Variants in ST6GALNAC3 observed in about 807,000 individuals in gnomAD.
ST6GALNAC3 encodes alpha-N-acetylgalactosaminide alpha-2,6-sialyltransferase 3.
In ST6GALNAC3, 25 loss-of-function variants were observed where a neutral mutation model predicts 32.7. The ratio of observed to expected loss-of-function variants is 0.76; its 90% CI spans 0.56 to 1.07. The LOEUF (loss-of-function observed/expected upper bound fraction) is 1.07, where lower values mean the gene tolerates loss of function less well. Ranked by LOEUF, ST6GALNAC3 falls within the 50% of genes least tolerant of loss-of-function variation. The pLI, the probability that ST6GALNAC3 is intolerant of heterozygous loss-of-function variation, is 0.00. For missense variants in ST6GALNAC3, 355 were observed against 382.4 expected (o/e 0.93, Z 0.60); for synonymous variants, 129 against 133.1 (o/e 0.97, Z 0.21).
chr1:76,339,459 AC>A (rs757937905), intron 2 of ST6GALNAC3, among the ~76,000 whole-genome samples: 4 of 152,182 alleles, frequency 2.6e-5, no homozygotes, highest in Non-Finnish European at 4.4e-5. Flanking sequence ...TCCTGCTGAT[AC>A]CTTGATTTTA....
chr1:76,629,636 A>G lies in ST6GALNAC3; in HGVS notation c.*830A>G. The G allele has an allele frequency of 8.1e-6, 8 of 985,020 alleles. No homozygotes were observed. Among genetic ancestry groups the G allele is most frequent in the Non-Finnish European group, 9.6e-6 (8 of 829,254 alleles). 61.0% of individuals were successfully genotyped at this position (985,020 alleles called of 1,614,324 possible). ...AGATACCAACTTCAACACTGTAATA[A>G]CATATACTGTGAAAACATTCCTAAA... On this transcript the variant is annotated 3_prime_UTR_variant, in exon 5 of 5. Transcript: ENST00000328299.
At chr1:76,258,433 G>A (rs1361072006) in intron 1 of ST6GALNAC3, among the ~76,000 whole-genome samples, 1 of 152,120 alleles carries the variant, frequency 6.6e-6, no homozygotes, top group East Asian at 1.9e-4. Context: ...AAAGAAATGG[G>A]CACCTTTGGC....
chr1:76,286,463 A>G (rs1659785322), intron 1 of ST6GALNAC3, among the ~76,000 whole-genome samples: 1 of 152,242 alleles, frequency 6.6e-6, no homozygotes. Context: ...CATTCTAAAC[A>G]GCAAACTACA....
At chr1:76,190,272 T>C (rs995423359) in intron 1 of ST6GALNAC3, among the ~76,000 whole-genome samples, 1 of 152,052 alleles carries the variant, frequency 6.6e-6, no homozygotes, top group Non-Finnish European at 1.5e-5. Context: ...GGCTCAGAGA[T>C]AGGAAGAAAG....
In ST6GALNAC3 at chr1:76,285,603, T is replaced by A. The variant is rs1040700197; in HGVS notation, c.19-28202T>A. On this transcript the variant is annotated intron_variant, in intron 1 of 4. Transcript: ENST00000328299. ...TATATAAACTTGCCTTATGCCAATG[T>A]AGTCCTAAAATATGTTTTCATATTT... is the stretch of plus-strand genomic sequence containing the variant. Among the ~76,000 whole-genome samples, 5 of 147,938 alleles carry A rather than the reference T, an allele frequency of 3.4e-5. No homozygotes were observed. In the East Asian group the frequency reaches 9.8e-4, roughly 29 times the overall value.
chr1:76,398,208 C>T (rs1056397320), intron 2 of ST6GALNAC3, among the ~76,000 whole-genome samples: 5 of 152,018 alleles, frequency 3.3e-5, no homozygotes, highest in South Asian at 2.1e-4. Flanking sequence ...CTGAATTAAC[C>T]AAAATGAGAC....
At chr1:76,459,137 T>A (rs925342458) in intron 3 of ST6GALNAC3, among the ~76,000 whole-genome samples, 5 of 152,300 alleles carry the variant, frequency 3.3e-5, no homozygotes, top group African/African-American at 1.2e-4. Flanking sequence ...ATAGAAATAA[T>A]CTCTAAGCCA....
At chr1:76,449,100 C>T (rs189436046) in intron 3 of ST6GALNAC3, among the ~76,000 whole-genome samples, 32 of 152,274 alleles carry the variant, frequency 2.1e-4, no homozygotes, top group African/African-American at 7.0e-4. Flanking sequence ...GGATTATAGG[C>T]GTGAGCCACC....
chr1:76,394,134 C>T (rs1325291), intron 2 of ST6GALNAC3, among the ~76,000 whole-genome samples: 43,970 of 151,956 alleles, frequency 0.29, 7,687 homozygotes, highest in East Asian at 0.6. Context: ...GTAATAAATG[C>T]GTTGCAGAAG....
chr1:76,293,269 C>T (rs2100823648), intron 1 of ST6GALNAC3, among the ~76,000 whole-genome samples: 1 of 152,238 alleles, frequency 6.6e-6, no homozygotes, highest in African/African-American at 2.4e-5. Context: ...AATGCTGTTA[C>T]CATGGTGTTG....
chr1:76,235,185 A>G (rs1656580065), intron 1 of ST6GALNAC3, among the ~76,000 whole-genome samples: 1 of 152,182 alleles, frequency 6.6e-6, no homozygotes, highest in East Asian at 1.9e-4. Flanking sequence ...TTAGCACCCA[A>G]AAGCATACAT....
chr1:76,277,528 GTATATATA>G (rs370795804), intron 1 of ST6GALNAC3, among the ~76,000 whole-genome samples: 1,692 of 84,424 alleles, frequency 0.02, 10 homozygotes, highest in Non-Finnish European at 0.025. Flanking sequence ...ATGTTTATGT[GTATATATA>G]TATATATATA....
intron 1 of ST6GALNAC3, chr1:76,307,942 C>A (rs781289187): frequency 7.8e-6 from 4 of 510,470 alleles, no homozygotes; most frequent in African/African-American, 3.9e-5. Flanking sequence ...AAAGAGCAAG[C>A]AGCTAGAATG....
intron 1 of ST6GALNAC3, among the ~76,000 whole-genome samples, chr1:76,222,434 A>G (rs576530869): frequency 5.9e-5 from 9 of 152,330 alleles, no homozygotes; most frequent in African/African-American, 2.2e-4. Flanking sequence ...TCTGCACAGC[A>G]AAAGAAACTA....
chr1:76,602,440 A>C (rs898673972), intron 3 of ST6GALNAC3, among the ~76,000 whole-genome samples: 5 of 152,102 alleles, frequency 3.3e-5, no homozygotes, highest in Admixed American at 2.6e-4. Flanking sequence ...AGGAAGGGGA[A>C]TGGGGAATAG....
intron 3 of ST6GALNAC3, among the ~76,000 whole-genome samples, chr1:76,424,055 G>T (rs1042640750): frequency 6.6e-6 from 1 of 151,968 alleles, no homozygotes; most frequent in Non-Finnish European, 1.5e-5. Context: ...GCTATTCCAA[G>T]GTGACTTTTT....
intron 3 of ST6GALNAC3, among the ~76,000 whole-genome samples, chr1:76,568,348 C>A (rs59131533): frequency 0.03 from 4,524 of 152,246 alleles, 234 homozygotes; most frequent in African/African-American, 0.1. Flanking sequence ...AACTGACCTG[C>A]ATGTTAAGCA....
chr1:76,232,658 T>A (rs964202642), intron 1 of ST6GALNAC3, among the ~76,000 whole-genome samples: 1 of 152,242 alleles, frequency 6.6e-6, no homozygotes, highest in Non-Finnish European at 1.5e-5. Flanking sequence ...CAGCTCCCTG[T>A]CCTCCCCATC....
intron 3 of ST6GALNAC3, among the ~76,000 whole-genome samples, chr1:76,470,400 GA>G (rs1285008715): frequency 1.3e-5 from 2 of 152,042 alleles, no homozygotes; most frequent in Non-Finnish European, 2.9e-5. Context: ...GCTAGCTGAA[GA>G]CTGGGATCTA....
Sources: allele counts gnomAD v4.1 joint callset (sites outside exome capture counted in the v4.1 genomes callset), GRCh38; gene constraint gnomAD v4.1.1; transcripts MANE v1.5; gene names NCBI Gene and HGNC (gene_info 2026-07-23, HGNC 2026-07-21).